The following CELF4 variants were observed in gnomAD, a reference collection of about 807,000 sequenced individuals.
CELF4 encodes the protein CUGBP Elav-like family member 4.
A neutral mutation model predicts 59.9 loss-of-function variants in CELF4; 18 were observed. The observed-to-expected ratio is 0.30, with a 90% CI of 0.21 to 0.45. The LOEUF is 0.45. CELF4 is among the 20% of genes least tolerant of loss of function. The probability of loss-of-function intolerance (pLI) is 1.00; values close to 1 mark genes in which losing one functional copy is unlikely to be tolerated. For synonymous variants in CELF4, 261 were observed against 267.1 expected (o/e 0.98, Z 0.22); for missense variants, 456 against 689.0 (o/e 0.66, Z 3.79).
At chr18:37,453,081 T>G (rs1348856699) in intron 2 of CELF4, among the ~76,000 whole-genome samples, 5 of 152,246 alleles carry the variant, frequency 3.3e-5, no homozygotes, top group African/African-American at 1.2e-4. Context: ...TGCTTCTACA[T>G]CTGGCCTCTG....
intron 2 of CELF4, among the ~76,000 whole-genome samples, chr18:37,434,508 C>T (rs2099682834): frequency 6.6e-6 from 1 of 152,184 alleles, no homozygotes; most frequent in African/African-American, 2.4e-5. Flanking sequence ...CATCATTTCC[C>T]CTGCCCAACC....
intron 2 of CELF4, among the ~76,000 whole-genome samples, chr18:37,436,511 G>C (rs1003213078): frequency 6.6e-6 from 1 of 152,194 alleles, no homozygotes; most frequent in East Asian, 1.9e-4. Context: ...AGCTGCAGAG[G>C]GGGGATCAAG....
chr18:37,273,418 A>T (rs1412858207), intron 6 of CELF4: 1 of 1,227,042 alleles, frequency 8.1e-7, no homozygotes, highest in Admixed American at 3.8e-5. Flanking sequence ...TGCTAGGGGC[A>T]GAGGAGGAGA....
intron 3 of CELF4, among the ~76,000 whole-genome samples, chr18:37,309,699 G>A (rs2096576275): frequency 6.6e-6 from 1 of 151,966 alleles, no homozygotes; most frequent in South Asian, 2.1e-4. Flanking sequence ...ACGAGCAGAG[G>A]TATGCGCGCC....
intron 2 of CELF4, among the ~76,000 whole-genome samples, chr18:37,406,415 A>T (rs1439590262): frequency 2.6e-5 from 4 of 152,130 alleles, no homozygotes; most frequent in Non-Finnish European, 5.9e-5. Flanking sequence ...TGCCTCCCAC[A>T]TACGTCCCTA....
At chr18:37,423,245 C>A (rs75942715) in intron 2 of CELF4, among the ~76,000 whole-genome samples, 3,547 of 152,298 alleles carry the variant, frequency 0.023, 150 homozygotes, top group African/African-American at 0.08. Context: ...TGCAGGTGTG[C>A]CCTGTCCTTG....
At chr18:37,365,481 A>ATTTTTTTTT (rs10670336) in intron 2 of CELF4, among the ~76,000 whole-genome samples, 9 of 97,760 alleles carry the variant, frequency 9.2e-5, no homozygotes, top group Admixed American at 1.3e-4. Flanking sequence ...GGATGGGGCA[A>ATTTTTTTTT]TTTTTTTTTT....
chr18:37,503,965 C>T (rs2099934632), intron 1 of CELF4, among the ~76,000 whole-genome samples: 1 of 152,164 alleles, frequency 6.6e-6, no homozygotes, highest in African/African-American at 2.4e-5. Flanking sequence ...AGATTCAGGG[C>T]CAAGAGAGTG....
chr18:37,496,401 T>C (rs978141789), intron 1 of CELF4, among the ~76,000 whole-genome samples: 2 of 152,202 alleles, frequency 1.3e-5, no homozygotes, highest in African/African-American at 2.4e-5. Flanking sequence ...CCCTCTTTGA[T>C]TGCAGGGTCT....
intron 1 of CELF4, among the ~76,000 whole-genome samples, chr18:37,520,483 G>A (rs1161055903): frequency 6.6e-6 from 1 of 152,006 alleles, no homozygotes; most frequent in Non-Finnish European, 1.5e-5. Flanking sequence ...TGTATCTCTG[G>A]GTTACTGCTT....
At chr18:37,430,516 C>A (rs1263134809) in intron 2 of CELF4, among the ~76,000 whole-genome samples, 1 of 152,196 alleles carries the variant, frequency 6.6e-6, no homozygotes, top group African/African-American at 2.4e-5. Context: ...AGCGCAGTAA[C>A]AGGCTAGAGC....
intron 2 of CELF4, among the ~76,000 whole-genome samples, chr18:37,451,740 T>C (rs934465159): frequency 6.6e-6 from 1 of 152,154 alleles, no homozygotes; most frequent in African/African-American, 2.4e-5. Context: ...AGACATGACG[T>C]GGGACAGCGC....
At chr18:37,504,871 T>C (rs1175797356) in intron 1 of CELF4, among the ~76,000 whole-genome samples, 4 of 152,242 alleles carry the variant, frequency 2.6e-5, no homozygotes, top group Non-Finnish European at 5.9e-5. Context: ...TCTCAGCATC[T>C]GGCTGGGGCA....
chr18:37,537,931 A>AC (rs1312478850), intron 1 of CELF4, among the ~76,000 whole-genome samples: 1 of 152,116 alleles, frequency 6.6e-6, no homozygotes, highest in African/African-American at 2.4e-5. Flanking sequence ...TCATGGGCTC[A>AC]CCCCACGGGG....
chr18:37,494,822 GGGTCCTTGGAAGGGAGA>G (rs1456970451), intron 1 of CELF4, among the ~76,000 whole-genome samples: 1 of 152,138 alleles, frequency 6.6e-6, no homozygotes. Context: ...GGAGACACGA[GGGTCCTTGGAAGGGAGA>G]GGTCCTCCCT....
At chr18:37,538,693 T>G (rs1231646721) in intron 1 of CELF4, among the ~76,000 whole-genome samples, 1 of 152,244 alleles carries the variant, frequency 6.6e-6, no homozygotes, top group African/African-American at 2.4e-5. Context: ...GGTGAGACTT[T>G]AGATCCTAGA....
At chr18:37,551,871 C>T (rs891700422) in intron 1 of CELF4, among the ~76,000 whole-genome samples, 1 of 152,212 alleles carries the variant, frequency 6.6e-6, no homozygotes, top group African/African-American at 2.4e-5. Flanking sequence ...CTCCCTCAGC[C>T]AGGCTGGCGG....
At chr18:37,465,485 T>C (rs1393474657) in intron 2 of CELF4, among the ~76,000 whole-genome samples, 8 of 152,078 alleles carry the variant, frequency 5.3e-5, no homozygotes, top group Non-Finnish European at 1.2e-4. Context: ...GAGGGCTCTG[T>C]GTACCAGCAC....
At chr18:37,353,904 T>C (rs1486203766) in intron 2 of CELF4, among the ~76,000 whole-genome samples, 1 of 151,248 alleles carries the variant, frequency 6.6e-6, no homozygotes, top group Non-Finnish European at 1.5e-5. Context: ...CTACAGGCAC[T>C]CACCACACGC....
Sources: allele counts gnomAD v4.1 joint callset (sites outside exome capture counted in the v4.1 genomes callset), GRCh38; gene constraint gnomAD v4.1.1; transcripts MANE v1.5; gene names NCBI Gene and HGNC (gene_info 2026-07-23, HGNC 2026-07-21).